Variants in KDM5C observed in about 807,000 individuals in gnomAD.
KDM5C encodes the protein lysine-specific demethylase 5C.
A neutral mutation model predicts 110.6 loss-of-function variants in KDM5C; 16 were observed. That is an observed-to-expected ratio of 0.14 (90% confidence interval 0.10 to 0.22). The LOEUF is 0.22. KDM5C is among the 10% of genes least tolerant of loss of function. The pLI, the probability that KDM5C is intolerant of heterozygous loss-of-function variation, is 1.00. For missense variants in KDM5C, 681 were observed against 1,300.9 expected (o/e 0.52, Z 7.33); for synonymous variants, 511 against 520.4 (o/e 0.98, Z 0.24).
chrX:53,213,658 C>T (rs1292240675), intron 8 of KDM5C, among the ~76,000 whole-genome samples: 1 of 111,477 alleles, frequency 9.0e-6, no homozygotes, highest in African/African-American at 3.3e-5. Context: ...AACAGCCAAC[C>T]ACCTCTCTAG....
At chrX:53,220,446 G>A (rs1245068381) in intron 2 of KDM5C, among the ~76,000 whole-genome samples, 1 of 112,254 alleles carries the variant, frequency 8.9e-6, no homozygotes, top group Non-Finnish European at 1.9e-5. Context: ...AAAGCACAGG[G>A]CTGTGGATGA....
At chrX:53,207,044 G>C (rs2073357692) in intron 12 of KDM5C, among the ~76,000 whole-genome samples, 1 of 106,028 alleles carries the variant, frequency 9.4e-6, no homozygotes, top group Non-Finnish European at 1.9e-5. Flanking sequence ...AGGCACAGTG[G>C]CTCATGCCTG....
chrX:53,185,371 G>C (rs1556827801), intron 25 of KDM5C, among the ~76,000 whole-genome samples: 1 of 112,399 alleles, frequency 8.9e-6, no homozygotes, highest in Non-Finnish European at 1.9e-5. Flanking sequence ...CTTCTAGACA[G>C]AAAGTGCCTA....
At chrX:53,213,260 G>A (rs782601583) in intron 8 of KDM5C, among the ~76,000 whole-genome samples, 66 of 111,613 alleles carry the variant, frequency 5.9e-4, no homozygotes, top group South Asian at 1.5e-3. Context: ...AAGTAGAGTC[G>A]ACAGTCTTGA....
Position 53,195,035 on chromosome X carries a change from T to C in KDM5C, c.3334A>G (p.Ser1112Gly). The C allele has an allele frequency of 2.5e-6, 3 of 1,209,317 alleles. No homozygotes were observed. Among genetic ancestry groups the C allele is most frequent in the Non-Finnish European group, 3.4e-6 (3 of 894,200 alleles). ...LCPCADAGSD[S>G]TKRSRWMEKE... Reference sequence around the variant, plus strand: ...TCCATCCACCGGCTGCGCTTGGTGCTGTCTGAGCCGGCATCTGCACATGGG... The same window carrying C: ...TCCATCCACCGGCTGCGCTTGGTGCCGTCTGAGCCGGCATCTGCACATGGG... The change falls in exon 22 of 26, where the codon AGC becomes GGC. Residue 1112 changes from serine (S) to glycine (G), a missense_variant. This residue lies in a region of KDM5C where 66 missense variants were observed against 162.9 expected (regional missense o/e 0.41). Transcript: ENST00000375401.
chrX:53,211,220 T>A (rs1317339421), intron 10 of KDM5C, among the ~76,000 whole-genome samples: 1 of 111,859 alleles, frequency 8.9e-6, no homozygotes, highest in East Asian at 2.8e-4. Flanking sequence ...TGAGCCAGGA[T>A]CTCATATACC....
intron 1 of KDM5C, among the ~76,000 whole-genome samples, chrX:53,222,328 G>C (rs782658431): frequency 9.3e-6 from 1 of 107,500 alleles, no homozygotes; most frequent in African/African-American, 3.4e-5. Flanking sequence ...AGCCAAAGCA[G>C]GTGGCAAACA....
intron 1 of KDM5C, among the ~76,000 whole-genome samples, chrX:53,222,012 C>A (rs1237885003): frequency 9.0e-6 from 1 of 111,333 alleles, no homozygotes; most frequent in East Asian, 2.8e-4. Context: ...CCTAAAGTAA[C>A]CTAAACCAAT....
rs782735966 is a variant in KDM5C at position 53,194,414 on chromosome X, G to A, written c.3763C>T (p.Leu1255=). 1 of 1,211,121 alleles carries A rather than the reference G, an allele frequency of 8.3e-7. No individual in the cohort carries two copies. Among genetic ancestry groups the A allele is most frequent in the Non-Finnish European group, 1.1e-6 (1 of 894,932 alleles). The part of the protein sequence containing the change: ...PLCMRSRRPR[L]ETILALLVAL... The stretch of plus-strand genomic sequence containing the variant: ...ACCAGCAGTGCCAGGATGGTCTCCA[G>A]GCGCGGGCGCCTTGAGCGCATACAC... The change falls in exon 23 of 26, where the codon CTG becomes TTG. Residue 1255 remains leucine, a synonymous_variant. Transcript: ENST00000375401.
intron 25 of KDM5C, among the ~76,000 whole-genome samples, chrX:53,182,468 A>C (rs1556826542): frequency 9.0e-6 from 1 of 110,625 alleles, no homozygotes; most frequent in Non-Finnish European, 1.9e-5. Context: ...CCCAGGTTCA[A>C]GTGATTCTCC....
At chrX:53,199,778 A>C (rs2073083910) in intron 14 of KDM5C, among the ~76,000 whole-genome samples, 1 of 112,308 alleles carries the variant, frequency 8.9e-6, no homozygotes, top group African/African-American at 3.2e-5. Flanking sequence ...ATGAAGGAAA[A>C]GCTGGCTATA....
intron 25 of KDM5C, among the ~76,000 whole-genome samples, chrX:53,181,139 T>G (rs186241605): frequency 2.7e-5 from 3 of 109,526 alleles, no homozygotes; most frequent in Non-Finnish European, 5.7e-5. Context: ...ATATATATTT[T>G]TTTTTGTTTG....
chrX:53,203,272 T>A (rs2073209377), intron 12 of KDM5C, among the ~76,000 whole-genome samples: 1 of 111,683 alleles, frequency 9.0e-6, no homozygotes, highest in Admixed American at 9.5e-5. Flanking sequence ...GCTTATAGGA[T>A]TCTTCTGGTC....
rs2146978737 is a variant in KDM5C, at chrX:53,224,855, G to A, written c.35C>T (p.Pro12Leu). 8.3e-7 allele frequency: 1 copy of A among 1,209,545 alleles called. No homozygotes were observed. The highest frequency in any genetic ancestry group is 1.1e-6 in the Non-Finnish European group (1 of 893,941). ...GCTAGGCTCGAACACCGGGCACTCC[G>A]GTGGCGGTAGGAAATCGTCGGACCC... ...EPGSDDFLPP[P>L]ECPVFEPSWA... The change falls in exon 1 of 26, where the codon CCG (proline) becomes CTG (leucine). Residue 12 changes from proline (P) to leucine (L), a missense_variant. This residue lies in a region of KDM5C where 15 missense variants were observed against 37.0 expected (regional missense o/e 0.41). Coordinates refer to ENST00000375401, the MANE Select transcript of KDM5C (RefSeq NM_004187.5).
chrX:53,191,787 T>C (rs1476441935), downstream of KDM5C: 2 of 174,486 alleles, frequency 1.1e-5, no homozygotes. Context: ...AATCACTGAA[T>C]TGTACATTTC....
intron 1 of KDM5C, among the ~76,000 whole-genome samples, chrX:53,224,269 C>CA (rs1221408729): frequency 1.8e-5 from 2 of 112,205 alleles, no homozygotes; most frequent in African/African-American, 6.5e-5. Flanking sequence ...TTCCCAAGGT[C>CA]ACACAGCTGC....
chrX:53,209,347 C>T (rs2146909281), intron 12 of KDM5C, among the ~76,000 whole-genome samples: 1 of 110,817 alleles, frequency 9.0e-6, no homozygotes, highest in East Asian at 2.8e-4. Flanking sequence ...CTCCTTCTGT[C>T]CAATTCCCTA....
intron 12 of KDM5C, among the ~76,000 whole-genome samples, chrX:53,205,721 T>C (rs193145288): frequency 8.9e-6 from 1 of 112,378 alleles, no homozygotes; most frequent in East Asian, 2.8e-4. Flanking sequence ...TTTACTCCTC[T>C]GTCCAGCACT....
At chrX:53,204,566 G>C (rs186087883) in intron 12 of KDM5C, among the ~76,000 whole-genome samples, 1 of 109,600 alleles carries the variant, frequency 9.1e-6, no homozygotes, top group Non-Finnish European at 1.9e-5. Context: ...GTGTGATCTC[G>C]GCTCATTGTA....
Sources: gnomAD v4.1 joint callset for allele counts (sites outside exome capture counted in the v4.1 genomes callset) on GRCh38, gnomAD v4.1.1 for gene constraint, gnomAD v4.1.1 regional missense constraint, MANE v1.5 for transcripts, NCBI Gene and HGNC (gene_info 2026-07-23, HGNC 2026-07-21) for gene names.